GMPS: variants seen among roughly 807,000 people sequenced by gnomAD.
GMPS encodes GMP synthase [glutamine-hydrolyzing].
GMPS carries 15 observed loss-of-function variants against 77.9 expected under a neutral mutation model. That is an observed-to-expected ratio of 0.19 (90% CI 0.13 to 0.30). The LOEUF (loss-of-function observed/expected upper bound fraction) is 0.30, where lower values mean the gene tolerates loss of function less well. Among genes scored for constraint, GMPS ranks in the 10% least tolerant of loss-of-function variants. The probability of loss-of-function intolerance (pLI) is 1.00; values close to 1 mark genes in which losing one functional copy is unlikely to be tolerated. For missense variants in GMPS, 590 were observed against 838.8 expected, an observed-to-expected ratio of 0.70 and a Z score of 3.66; for synonymous variants, 224 against 275.9, an observed-to-expected ratio of 0.81 and a Z score of 1.86.
chr3:155,901,361 A>C (rs1354589879), intron 3 of GMPS, among the ~76,000 whole-genome samples: 1 of 152,100 alleles, frequency 6.6e-6, no homozygotes, highest in East Asian at 1.9e-4. Context: ...CATTTTCACT[A>C]TTGAATTTGT....
chr3:155,926,095 C>T, intron 12 of GMPS, among the ~76,000 whole-genome samples: 1 of 152,098 alleles, frequency 6.6e-6, no homozygotes, highest in Non-Finnish European at 1.5e-5. Flanking sequence ...TACTGTAGCC[C>T]TGAATTCCTG....
chr3:155,928,537 CTT>C (rs201332484), intron 12 of GMPS, among the ~76,000 whole-genome samples: 2 of 147,606 alleles, frequency 1.4e-5, no homozygotes, highest in Admixed American at 6.8e-5. Context: ...TTAAAATTAA[CTT>C]TTTTTTTTTA....
chr3:155,908,422 A>G (rs906449456), intron 5 of GMPS, among the ~76,000 whole-genome samples: 2 of 152,208 alleles, frequency 1.3e-5, no homozygotes, highest in African/African-American at 2.4e-5. Context: ...AATAAATTCC[A>G]TTCCCCCTTA....
Position 155,922,215 on chromosome 3 carries a change from T to A in GMPS, c.1347T>A (p.Cys449Ter). 1 of 1,557,370 alleles carries A rather than the reference T, an allele frequency of 6.4e-7. No homozygotes were observed. The highest frequency in any genetic ancestry group is 1.2e-5 in the South Asian group (1 of 82,814). Reference protein sequence around the residue: ...PGPGLAIRVICAEEPYICKDF... With the variant: ...PGPGLAIRVI ...CTGGCCTGGCAATCAGAGTAATATG[T>A]GCTGAAGAACCTTATATTTGTAAGG... is the stretch of plus-strand genomic sequence containing the variant. Residue 449 changes from cysteine (C) to a stop codon, truncating the protein, a stop_gained, in exon 11 of 16, where the codon TGT becomes TGA. Transcript: ENST00000496455. LOFTEE classifies it high-confidence loss of function.
chr3:155,926,672 A>G (rs1380519508), intron 12 of GMPS, among the ~76,000 whole-genome samples: 1 of 152,244 alleles, frequency 6.6e-6, no homozygotes, highest in African/African-American at 2.4e-5. Context: ...TGAATCTGTC[A>G]GTTTAAATTC....
chr3:155,919,411 T>C (rs1560049340), intron 10 of GMPS, 73 bp downstream of exon 10: 1 of 710,010 alleles, frequency 1.4e-6, no homozygotes, highest in Non-Finnish European at 2.5e-6. Context: ...ATTCAGACAA[T>C]TCTGAAATAA....
intron 3 of GMPS, among the ~76,000 whole-genome samples, chr3:155,898,488 C>T (rs375792977): frequency 7.9e-5 from 12 of 152,290 alleles, no homozygotes; most frequent in African/African-American, 2.4e-4. Context: ...AACATTTACT[C>T]ATTGTTAGAA....
chr3:155,891,858 G>A (rs192575765), intron 1 of GMPS, among the ~76,000 whole-genome samples: 1 of 151,892 alleles, frequency 6.6e-6, no homozygotes, highest in Admixed American at 6.6e-5. Flanking sequence ...CACCTGCCTC[G>A]GCCTCCCAAA....
Position 155,910,897 on chromosome 3 carries a change from A to T in GMPS, c.720+12A>T, listed in dbSNP as rs762762168. 6.5e-7 allele frequency: 1 copy of T among 1,528,336 alleles called. No individual in the cohort carries two copies. Among genetic ancestry groups the T allele is most frequent in the Admixed American group, 2.0e-5 (1 of 49,956 alleles). The allele number at this position is 1,528,336 out of a possible 1,614,324, so 94.7% of individuals were successfully genotyped here. On this transcript the variant is annotated intron_variant, in intron 6 of 15. Transcript: ENST00000496455. ...CGTCAAAAGTTTTGGTAAGCAAATT[A>T]TTATCTGGAAGTCTACAAATTTATA...
At chr3:155,915,352 C>T (rs1338569120) in intron 8 of GMPS, among the ~76,000 whole-genome samples, 1 of 151,836 alleles carries the variant, frequency 6.6e-6, no homozygotes, top group Non-Finnish European at 1.5e-5. Context: ...ATTCTCCTGC[C>T]TCAGCCTCCC....
chr3:155,874,664 A>G (rs992615817), intron 1 of GMPS, among the ~76,000 whole-genome samples: 2 of 152,120 alleles, frequency 1.3e-5, no homozygotes, highest in Admixed American at 6.6e-5. Context: ...TCCTCCAGGA[A>G]TCTCGGATGA....
At chr3:155,924,329 A>T (rs944456292) in intron 11 of GMPS, among the ~76,000 whole-genome samples, 1 of 152,262 alleles carries the variant, frequency 6.6e-6, no homozygotes, top group Non-Finnish European at 1.5e-5. Flanking sequence ...AAAAATGATT[A>T]TAAAATCGAG....
chr3:155,872,637 G>C (rs1360959062), intron 1 of GMPS, among the ~76,000 whole-genome samples: 1 of 152,036 alleles, frequency 6.6e-6, no homozygotes, highest in Non-Finnish European at 1.5e-5. Context: ...TTCCTAACTG[G>C]TATTTTTTCT....
At chr3:155,886,176 C>T (rs1187184311) in intron 1 of GMPS, among the ~76,000 whole-genome samples, 1 of 152,016 alleles carries the variant, frequency 6.6e-6, no homozygotes, top group Non-Finnish European at 1.5e-5. Flanking sequence ...TGCACTTGTC[C>T]ATTCATAATT....
intron 3 of GMPS, among the ~76,000 whole-genome samples, chr3:155,902,090 CT>C (rs1754749911): frequency 6.6e-6 from 1 of 152,114 alleles, no homozygotes; most frequent in African/African-American, 2.4e-5. Context: ...ATATGGCTTT[CT>C]TTGAGGCAGT....
chr3:155,884,721 G>A (rs1754295344), intron 1 of GMPS, among the ~76,000 whole-genome samples: 1 of 152,174 alleles, frequency 6.6e-6, no homozygotes, highest in Non-Finnish European at 1.5e-5. Flanking sequence ...ATTACATACA[G>A]TAGAACTGTA....
chr3:155,936,381 A>G lies in GMPS; in HGVS notation c.1851A>G (p.Pro617=), dbSNP rs1183558643. 6.2e-7 allele frequency: 1 copy of G among 1,610,948 alleles called. No individual in the cohort carries two copies. The highest frequency in any genetic ancestry group is 2.2e-5 in the East Asian group (1 of 44,872). Residue 617 remains proline, a synonymous_variant, in exon 15 of 16, where the codon CCA becomes CCG. Transcript: ENST00000496455. ...GCCAGATGCCGGTGATTTTGACACC[A>G]TTACATTTTGATCGGGACCCACTTC... ...KISQMPVILT[P]LHFDRDPLQK...
intron 9 of GMPS, 58 bp downstream of exon 9, chr3:155,916,250 C>A: frequency 1.0e-6 from 1 of 972,136 alleles, no homozygotes; most frequent in Non-Finnish European, 1.6e-6. Context: ...TTCCATTCTT[C>A]CCTCCTCTTC....
chr3:155,883,545 CTT>C (rs1239502436), intron 1 of GMPS, among the ~76,000 whole-genome samples: 1 of 152,082 alleles, frequency 6.6e-6, no homozygotes, highest in Non-Finnish European at 1.5e-5. Flanking sequence ...TTAAGGTCAT[CTT>C]TATTAGTACA....
Sources: allele counts gnomAD v4.1 joint callset (sites outside exome capture counted in the v4.1 genomes callset), GRCh38; gene constraint gnomAD v4.1.1; transcripts MANE v1.5; gene names NCBI Gene and HGNC (gene_info 2026-07-23, HGNC 2026-07-21).